The following ZFHX3 variants were observed in gnomAD, a reference collection of about 807,000 sequenced individuals.
The protein encoded by ZFHX3 is zinc finger homeobox 3.
ZFHX3 carries 42 observed loss-of-function variants against 279.1 expected under a neutral mutation model. The observed-to-expected ratio is 0.15, with a 90% CI of 0.12 to 0.19. The LOEUF is 0.19. Among genes scored for constraint, ZFHX3 ranks in the 10% least tolerant of loss-of-function variants. The pLI is 1.00. For missense variants in ZFHX3, 4,981 were observed against 4,754.0 expected (o/e 1.05, Z -1.40); for synonymous variants, 2,293 against 1,957.8 (o/e 1.17, Z -4.52).
At chr16:73,410,421 A>T (rs896133816) in intron 3 of ZFHX3, among the ~76,000 whole-genome samples, 3 of 152,228 alleles carry the variant, frequency 2.0e-5, no homozygotes, top group Non-Finnish European at 4.4e-5. Context: ...GTCTCAAAAC[A>T]AAACAAATCA....
chr16:72,886,732 T>G (rs2038632011), intron 4 of ZFHX3, among the ~76,000 whole-genome samples: 1 of 151,776 alleles, frequency 6.6e-6, no homozygotes, highest in Non-Finnish European at 1.5e-5. Flanking sequence ...AGAAGGAGAA[T>G]CCGGGGAATG....
At chr16:72,934,255 T>TG (rs1959991135) in intron 3 of ZFHX3, among the ~76,000 whole-genome samples, 1 of 151,994 alleles carries the variant, frequency 6.6e-6, no homozygotes, top group South Asian at 2.1e-4. Flanking sequence ...TAAAACCCCG[T>TG]GTCTGTTAAA....
At chr16:73,065,485 G>C (rs1360305294) in intron 8 of ZFHX3, among the ~76,000 whole-genome samples, 4 of 151,314 alleles carry the variant, frequency 2.6e-5, no homozygotes, top group African/African-American at 7.3e-5. Context: ...GGAATACCTA[G>C]CGCCATAATT....
At chr16:73,729,906 A>T (rs892795638) in intron 1 of ZFHX3, among the ~76,000 whole-genome samples, 1 of 152,200 alleles carries the variant, frequency 6.6e-6, no homozygotes, top group African/African-American at 2.4e-5. Context: ...CAGTTAAGTT[A>T]GTGTAAAAAA....
intron 3 of ZFHX3, among the ~76,000 whole-genome samples, chr16:73,349,405 TAC>T (rs1324313191): frequency 2.0e-5 from 3 of 152,200 alleles, no homozygotes; most frequent in Non-Finnish European, 4.4e-5. Flanking sequence ...TGAGATCCCA[TAC>T]AGTGTTTAGT....
At chr16:73,500,709 A>C (rs1403943399) in intron 2 of ZFHX3, among the ~76,000 whole-genome samples, 6 of 135,546 alleles carry the variant, frequency 4.4e-5, no homozygotes, top group East Asian at 2.5e-4. Flanking sequence ...AAAAAAAAAA[A>C]CCTCACAGAC....
chr16:73,291,820 G>A (rs2014779522), intron 4 of ZFHX3, among the ~76,000 whole-genome samples: 1 of 152,186 alleles, frequency 6.6e-6, no homozygotes, highest in African/African-American at 2.4e-5. Flanking sequence ...AAACTGCCAA[G>A]GTTAATAGGG....
rs1024380837 is a variant in ZFHX3 at position 73,447,041 on chromosome 16, C to T, written c.-1291+8962G>A. Among the ~76,000 whole-genome samples, 4 of 151,752 alleles carry T rather than the reference C, an allele frequency of 2.6e-5. No individual in the cohort carries two copies. The South Asian group carries it at 6.2e-4, about 24-fold the overall frequency. ...TAAAAATACAAAAAAATGAGCCAGG[C>T]GTGGTGGTGGGCACCTGTAGTCCCA... is the stretch of plus-strand genomic sequence containing the variant. On this transcript the variant is annotated intron_variant, in intron 3 of 17. Coordinates refer to the ZFHX3 transcript ENST00000641206.
chr16:73,407,921 C>G (rs1400677874), intron 3 of ZFHX3, among the ~76,000 whole-genome samples: 1 of 152,114 alleles, frequency 6.6e-6, no homozygotes, highest in Non-Finnish European at 1.5e-5. Flanking sequence ...CTACCCCAAC[C>G]TCTGATTCCT....
At chr16:73,322,577 C>T (rs142573174) in intron 3 of ZFHX3, among the ~76,000 whole-genome samples, 41 of 152,270 alleles carry the variant, frequency 2.7e-4, no homozygotes, top group African/African-American at 9.6e-4. Context: ...CCAATCTTCC[C>T]CAATAGCCCT....
intron 2 of ZFHX3, among the ~76,000 whole-genome samples, chr16:73,561,919 A>G (rs1261564829): frequency 6.6e-6 from 1 of 152,214 alleles, no homozygotes; most frequent in Non-Finnish European, 1.5e-5. Context: ...TTGCATTTCA[A>G]CTTTGAAAAA....
At chr16:73,409,010 T>C (rs913522951) in intron 3 of ZFHX3, among the ~76,000 whole-genome samples, 1 of 152,212 alleles carries the variant, frequency 6.6e-6, no homozygotes, top group African/African-American at 2.4e-5. Flanking sequence ...ACTGTTAGTT[T>C]AAACACTTCG....
chr16:72,881,074 A>C (rs1218528078), intron 4 of ZFHX3, among the ~76,000 whole-genome samples: 1 of 152,184 alleles, frequency 6.6e-6, no homozygotes, highest in Non-Finnish European at 1.5e-5. Flanking sequence ...TGTAGCCCCA[A>C]ACCTAGCCTG....
At chr16:73,853,292 AG>A (rs1961635117) in intron 1 of ZFHX3, among the ~76,000 whole-genome samples, 1 of 152,226 alleles carries the variant, frequency 6.6e-6, no homozygotes, top group Admixed American at 6.5e-5. Context: ...CTAAAAATAG[AG>A]CTACCATTTG....
In ZFHX3 at chr16:73,599,037, A is replaced by T. The variant is rs569979845; in HGVS notation, c.-1547+81143T>A. ...CAGCCTCCCAAAGTGCTGGGATTAC[A>T]GGTGTGAGCCACCACGCCCGGCCTT... On this transcript the variant is annotated intron_variant, in intron 2 of 17. Transcript: ENST00000641206. Among the ~76,000 whole-genome samples, 3 of 152,362 alleles carry T rather than the reference A, an allele frequency of 2.0e-5. No homozygotes were observed. In the East Asian group the frequency reaches 5.8e-4, roughly 29 times the overall value.
chr16:72,998,851 T>C (rs1963389003), intron 1 of ZFHX3, among the ~76,000 whole-genome samples: 3 of 152,206 alleles, frequency 2.0e-5, no homozygotes, highest in Non-Finnish European at 4.4e-5. Flanking sequence ...TTTCACAGAA[T>C]TGTGTACAAC....
chr16:73,550,846 A>G (rs1363253132), intron 2 of ZFHX3, among the ~76,000 whole-genome samples: 1 of 152,196 alleles, frequency 6.6e-6, no homozygotes, highest in African/African-American at 2.4e-5. Context: ...AAAGGGAATT[A>G]TTTTATTTTG....
At chr16:73,555,001 C>G (rs1336790879) in intron 2 of ZFHX3, among the ~76,000 whole-genome samples, 2 of 152,148 alleles carry the variant, frequency 1.3e-5, no homozygotes, top group African/African-American at 4.8e-5. Flanking sequence ...CCCAATGCCC[C>G]CTAAGTGAAG....
intron 2 of ZFHX3, among the ~76,000 whole-genome samples, chr16:73,503,911 A>G (rs572723335): frequency 4.5e-4 from 69 of 152,334 alleles, no homozygotes; most frequent in African/African-American, 1.5e-3. Flanking sequence ...AACTAGGGTG[A>G]TAGTTATTCA....
Sources: allele counts gnomAD v4.1 joint callset (sites outside exome capture counted in the v4.1 genomes callset), GRCh38; gene constraint gnomAD v4.1.1; transcripts MANE v1.5; gene names NCBI Gene and HGNC (gene_info 2026-07-23, HGNC 2026-07-21).